The following PARD3B variants were observed in gnomAD, a reference collection of about 807,000 sequenced individuals.
PARD3B encodes the protein par-3 family cell polarity regulator beta.
A neutral mutation model predicts 130.2 loss-of-function variants in PARD3B; 103 were observed. The ratio of observed to expected loss-of-function variants is 0.79; its 90% CI spans 0.67 to 0.93. The LOEUF is 0.93. PARD3B is among the 40% of genes least tolerant of loss of function. The pLI is 0.00. For missense variants in PARD3B, 1,609 were observed against 1,499.2 expected, an observed-to-expected ratio of 1.07 and a Z score of -1.21; for synonymous variants, 583 against 553.2, an observed-to-expected ratio of 1.05 and a Z score of -0.76.
At chr2:204,700,132 C>T (rs2037820515) in intron 2 of PARD3B, among the ~76,000 whole-genome samples, 1 of 152,044 alleles carries the variant, frequency 6.6e-6, no homozygotes, top group Admixed American at 6.6e-5. Flanking sequence ...AAATCAGAAG[C>T]TAAAATTGAA....
intron 2 of PARD3B, among the ~76,000 whole-genome samples, chr2:204,752,607 T>C (rs548167309): frequency 6.6e-6 from 1 of 152,328 alleles, no homozygotes; most frequent in South Asian, 2.1e-4. Flanking sequence ...TGGTGTAACT[T>C]GTTCAGTTCA....
intron 2 of PARD3B, among the ~76,000 whole-genome samples, chr2:204,790,156 C>A (rs983070180): frequency 1.3e-5 from 2 of 152,178 alleles, no homozygotes; most frequent in Non-Finnish European, 2.9e-5. Flanking sequence ...AGGCATAAGC[C>A]ACCATGCCCA....
intron 18 of PARD3B, among the ~76,000 whole-genome samples, chr2:205,358,097 C>T (rs1318852198): frequency 6.6e-6 from 1 of 152,148 alleles, no homozygotes; most frequent in East Asian, 1.9e-4. Context: ...TAAAATTACC[C>T]CATTCTTAAT....
chr2:205,506,773 G>A (rs1229400150), intron 21 of PARD3B, among the ~76,000 whole-genome samples: 1 of 152,176 alleles, frequency 6.6e-6, no homozygotes, highest in Non-Finnish European at 1.5e-5. Context: ...TAAAAACTAA[G>A]TACATTGATG....
At chr2:205,328,219 A>G (rs1027516959) in intron 18 of PARD3B, among the ~76,000 whole-genome samples, 1 of 152,222 alleles carries the variant, frequency 6.6e-6, no homozygotes, top group Non-Finnish European at 1.5e-5. Flanking sequence ...TCATTTTATC[A>G]TCTTTTAATC....
chr2:204,556,989 C>A (rs2030968130), intron 1 of PARD3B, among the ~76,000 whole-genome samples: 1 of 151,120 alleles, frequency 6.6e-6, no homozygotes, highest in African/African-American at 2.5e-5. Context: ...AAACTCTCTA[C>A]TCATGGGCTT....
chr2:205,034,224 G>A (rs927113040), intron 3 of PARD3B, among the ~76,000 whole-genome samples: 3 of 152,110 alleles, frequency 2.0e-5, no homozygotes, highest in African/African-American at 7.2e-5. Context: ...AATTTGGCAT[G>A]CCTCTGTTGA....
rs746827371 is a variant in PARD3B at position 204,967,959 on chromosome 2, C to T, written c.394+2636C>T. ...TGCAGCACCTGTGCCCCAGCAGTTCCTCCTAACAGGGTGCTCATGAAATGT... is the reference window on the plus strand; with the variant it reads ...TGCAGCACCTGTGCCCCAGCAGTTCTTCCTAACAGGGTGCTCATGAAATGT... On this transcript the variant is annotated intron_variant, in intron 3 of 22. Coordinates refer to ENST00000406610, the MANE Select transcript of PARD3B (RefSeq NM_001302769.2). This position sits in a 1 kb window ranked among gnomAD's most constrained non-coding sequence, Gnocchi z 4.4. Among the ~76,000 whole-genome samples the T allele has an allele frequency of 2.6e-5, 4 of 152,122 alleles. No homozygotes were observed. Among genetic ancestry groups the T allele is most frequent in the Non-Finnish European group, 5.9e-5 (4 of 68,040 alleles).
At chr2:204,733,152 T>G (rs1253430064) in intron 2 of PARD3B, among the ~76,000 whole-genome samples, 1 of 152,118 alleles carries the variant, frequency 6.6e-6, no homozygotes, top group Non-Finnish European at 1.5e-5. Flanking sequence ...TTTTGGAATT[T>G]TGAGCATCAA....
intron 2 of PARD3B, among the ~76,000 whole-genome samples, chr2:204,845,287 G>T (rs931633976): frequency 4.6e-5 from 7 of 152,074 alleles, no homozygotes; most frequent in Non-Finnish European, 8.8e-5. Flanking sequence ...GTTTAAAGCT[G>T]CATATTCTGA....
chr2:205,419,189 G>A (rs1047453852), intron 19 of PARD3B, among the ~76,000 whole-genome samples: 1 of 152,078 alleles, frequency 6.6e-6, no homozygotes, highest in African/African-American at 2.4e-5. Flanking sequence ...TCATGGGGGT[G>A]GGTCTTTCCT....
chr2:204,680,204 CT>C (rs1366852050), intron 1 of PARD3B, among the ~76,000 whole-genome samples: 2 of 151,864 alleles, frequency 1.3e-5, no homozygotes, highest in Non-Finnish European at 2.9e-5. Flanking sequence ...TGGAATTTTC[CT>C]TTTGAAGAAA....
At chr2:205,426,049 C>T (rs1296230255) in intron 19 of PARD3B, among the ~76,000 whole-genome samples, 2 of 152,106 alleles carry the variant, frequency 1.3e-5, no homozygotes, top group East Asian at 1.9e-4. Context: ...ATCTAGTTCC[C>T]TTACAATGTC....
chr2:204,722,931 A>G (rs1372181756), intron 2 of PARD3B, among the ~76,000 whole-genome samples: 1 of 152,132 alleles, frequency 6.6e-6, no homozygotes, highest in Non-Finnish European at 1.5e-5. Flanking sequence ...AGCTGGCAAA[A>G]ATTAGCATAG....
chr2:205,104,723 C>T (rs1400707860), intron 5 of PARD3B, among the ~76,000 whole-genome samples: 1 of 152,078 alleles, frequency 6.6e-6, no homozygotes, highest in East Asian at 1.9e-4. Flanking sequence ...ACAAATGATC[C>T]TTAATCCATC....
chr2:204,994,187 G>C (rs1339057677), intron 3 of PARD3B, among the ~76,000 whole-genome samples: 8 of 135,400 alleles, frequency 5.9e-5, no homozygotes, highest in Admixed American at 3.0e-4. Context: ...GTCAATTTTG[G>C]ATCTTTCCTG....
intron 22 of PARD3B, among the ~76,000 whole-genome samples, chr2:205,604,632 C>G (rs1416651725): frequency 6.6e-6 from 1 of 152,130 alleles, no homozygotes; most frequent in Non-Finnish European, 1.5e-5. Flanking sequence ...TCTGGCTGCT[C>G]TTAACATTTT....
chr2:205,034,025 A>T (rs2125369233), intron 3 of PARD3B, among the ~76,000 whole-genome samples: 1 of 152,288 alleles, frequency 6.6e-6, no homozygotes, highest in South Asian at 2.1e-4. Context: ...GTTTATTTTA[A>T]AATAAATGTT....
chr2:204,614,202 A>G (rs1017368746), intron 1 of PARD3B, among the ~76,000 whole-genome samples: 6 of 152,216 alleles, frequency 3.9e-5, no homozygotes, highest in African/African-American at 1.4e-4. Context: ...TACATATGCA[A>G]TTTAAAAGTT....
Sources: gnomAD v4.1 joint callset for allele counts (sites outside exome capture counted in the v4.1 genomes callset) on GRCh38, gnomAD v4.1.1 for gene constraint, Gnocchi (gnomAD v3.1) non-coding constraint, MANE v1.5 for transcripts, NCBI Gene and HGNC (gene_info 2026-07-23, HGNC 2026-07-21) for gene names.